GRAMD1A: variants seen among roughly 807,000 people sequenced by gnomAD.
GRAMD1A encodes GRAM domain containing 1A.
In GRAMD1A, 50 loss-of-function variants were observed where a neutral mutation model predicts 92.0. That is an observed-to-expected ratio of 0.54 (90% CI 0.43 to 0.69). The LOEUF (loss-of-function observed/expected upper bound fraction) is 0.69. Ranked by LOEUF, GRAMD1A falls within the 30% of genes least tolerant of loss-of-function variation. The pLI, the probability that GRAMD1A is intolerant of heterozygous loss-of-function variation, is 0.00. For synonymous variants in GRAMD1A, 405 were observed against 403.6 expected, an observed-to-expected ratio of 1.00 and a Z score of -0.04; for missense variants, 819 against 978.9, an observed-to-expected ratio of 0.84 and a Z score of 2.18.
upstream of GRAMD1A, among the ~76,000 whole-genome samples, chr19:34,995,568 C>T (rs937904565): frequency 2.8e-5 from 2 of 72,368 alleles, no homozygotes; most frequent in African/African-American, 1.2e-4. Context: ...TCTCAGATCA[C>T]GGGTTTTTTT....
chr19:35,014,050 C>T (rs1382146898), intron 9 of GRAMD1A, 139 bp from the exon 10 acceptor site: 14 of 796,944 alleles, frequency 1.8e-5, no homozygotes, highest in East Asian at 8.0e-5. Context: ...CCAGGCTGCT[C>T]GCAGCTCAGC....
At chr19:35,001,738 G>T (rs1014458112) in intron 1 of GRAMD1A, among the ~76,000 whole-genome samples, 1 of 152,134 alleles carries the variant, frequency 6.6e-6, no homozygotes, top group Non-Finnish European at 1.5e-5. Context: ...CTCCTGAGTA[G>T]CTGGGATTAC....
At chr19:35,024,044 G>A (rs2016272908) in intron 19 of GRAMD1A, among the ~76,000 whole-genome samples, 1 of 152,218 alleles carries the variant, frequency 6.6e-6, no homozygotes, top group Non-Finnish European at 1.5e-5. Flanking sequence ...CTGAAGGGGA[G>A]AGACTCTCCA....
chr19:35,007,956 G>A (rs536010883), intron 1 of GRAMD1A, among the ~76,000 whole-genome samples: 2 of 152,272 alleles, frequency 1.3e-5, no homozygotes, highest in South Asian at 2.1e-4. Flanking sequence ...AGATGCTTAG[G>A]GTTTTAGCTC....
In GRAMD1A at chr19:35,021,783, C is replaced by T; in HGVS notation, c.1672C>T (p.Pro558Ser). The T allele has an allele frequency of 6.2e-7, 1 of 1,611,974 alleles. No individual in the cohort carries two copies. The highest frequency in any genetic ancestry group is 8.5e-7 in the Non-Finnish European group (1 of 1,179,332). Residue 558 changes from proline (P) to serine (S), a missense_variant, in exon 15 of 20, where the codon CCC becomes TCC. Physicochemically the swap from Pro to Ser is moderately conservative, Grantham distance 74 (BLOSUM62 -1). Transcript: ENST00000317991. The surrounding 1 kb of genome is among the most constrained non-coding windows in gnomAD (Gnocchi z 5.3). ...ATCCGGCCTGCGGCGGCGGAAGCGGCCCCTGAGCTGGCGGGCTCACGGGGA... is the reference window on the plus strand; with the variant it reads ...ATCCGGCCTGCGGCGGCGGAAGCGGTCCCTGAGCTGGCGGGCTCACGGGGA... ...LLSGLRRRKR[P>S]LSWRAHGDGP...
chr19:35,000,306 C>T (rs980196115), upstream of GRAMD1A: 7 of 1,044,004 alleles, frequency 6.7e-6, no homozygotes, highest in South Asian at 3.1e-4. The surrounding 1 kb of genome is among the most constrained non-coding windows in gnomAD (Gnocchi z 4.9). Context: ...GCCGCGGCGG[C>T]CTCCGGCGGC....
At position 35,009,913 on chromosome 19, in the gene GRAMD1A, G is replaced by T; in HGVS notation, c.266G>T (p.Arg89Leu). ...YSMLSPTYKQRNEDFRKLFSK... is the reference protein window; with the variant it reads ...YSMLSPTYKQLNEDFRKLFSK... ...ATGCTGAGCCCCACTTATAAGCAGCGTAATGAGGACTTCCGGAAACTGTTC... is the reference window on the plus strand; with the variant it reads ...ATGCTGAGCCCCACTTATAAGCAGCTTAATGAGGACTTCCGGAAACTGTTC... Residue 89 changes from arginine (R) to leucine (L), a missense_variant, in exon 4 of 20, where the codon CGT becomes CTT. Arg to Leu is a moderately radical substitution (Grantham distance 102). Transcript: ENST00000317991. 6.2e-7 allele frequency: 1 copy of T among 1,611,960 alleles called. No homozygotes were observed. The highest frequency in any genetic ancestry group is 1.1e-5 in the South Asian group (1 of 91,046).
rs762202839 is a variant in GRAMD1A at position 35,010,385 on chromosome 19, G to A, written c.525+6G>A. 12 of 1,600,840 alleles carry A rather than the reference G, an allele frequency of 7.5e-6. No individual in the cohort carries two copies. Among genetic ancestry groups the A allele is most frequent in the South Asian group, 2.2e-5 (2 of 90,882 alleles). ...TCTGCACGGAGAGCGAGAAGGTGAC[G>A]GAGGACCCGGTGACGGGACCACGCG... is the stretch of plus-strand genomic sequence containing the variant. On this transcript the variant is annotated splice_donor_region_variant and intron_variant, in intron 6 of 19. Coordinates refer to ENST00000317991, the MANE Select transcript of GRAMD1A (RefSeq NM_020895.5).
chr19:35,004,475 T>C (rs2014653979), intron 1 of GRAMD1A, among the ~76,000 whole-genome samples: 1 of 152,198 alleles, frequency 6.6e-6, no homozygotes, highest in South Asian at 2.1e-4. Flanking sequence ...GGGCTCATAC[T>C]GAGCAGCATT....
upstream of GRAMD1A, chr19:34,996,343 TTC>T: frequency 7.2e-7 from 1 of 1,393,584 alleles, no homozygotes; most frequent in Non-Finnish European, 9.5e-7. Context: ...CTAGGGAGGG[TTC>T]TCTCTGTCAA....
At chr19:35,026,022 C>T in intron 19 of GRAMD1A, 27 bp from the exon 20 acceptor site, 1 of 1,274,472 alleles carries the variant, frequency 7.8e-7, no homozygotes, top group Non-Finnish European at 1.1e-6. Flanking sequence ...GCGTTCACCC[C>T]CGACCCTGCT....
intron 1 of GRAMD1A, among the ~76,000 whole-genome samples, chr19:35,004,006 C>T (rs1414759780): frequency 6.6e-6 from 1 of 152,182 alleles, no homozygotes; most frequent in Non-Finnish European, 1.5e-5. Flanking sequence ...GTGGGAGGAT[C>T]ACTTGAGGTC....
upstream of GRAMD1A, among the ~76,000 whole-genome samples, chr19:34,997,180 C>T (rs1173721964): frequency 6.6e-6 from 1 of 151,968 alleles, no homozygotes; most frequent in African/African-American, 2.4e-5. Context: ...TCCCAAAGTG[C>T]TGGGATTGTG....
chr19:35,013,789 G>A lies in GRAMD1A; in HGVS notation c.870+98G>A. 8.0e-7 allele frequency: 1 copy of A among 1,244,408 alleles called. No individual in the cohort carries two copies. 77.1% of individuals were successfully genotyped at this position (1,244,408 alleles called of 1,614,324 possible). A position where few individuals can be genotyped will look rare whatever the true frequency, so the allele number is the denominator to read the frequency against. ...AGAACAGCCTGACAGATTTGGAGGG[G>A]AATGGATAGGGGGACAGGGGAGGCC... On this transcript the variant is annotated intron_variant, in intron 9 of 19. Transcript: ENST00000317991. The surrounding 1 kb of genome is among the most constrained non-coding windows in gnomAD (Gnocchi z 4.9).
chr19:35,023,035 A>G (rs1479125660), intron 17 of GRAMD1A, 124 bp downstream of exon 17: 1 of 872,414 alleles, frequency 1.1e-6, no homozygotes, highest in Admixed American at 2.0e-5. Flanking sequence ...AGTCAAGGGT[A>G]TGGGCATCAG....
intron 11 of GRAMD1A, 74 bp downstream of exon 11, chr19:35,016,041 A>G: frequency 1.3e-6 from 2 of 1,504,328 alleles, no homozygotes; most frequent in Non-Finnish European, 1.8e-6. Context: ...AGCCCAGGAC[A>G]GGGGAAGGCA....
In GRAMD1A at chr19:35,019,399, C is replaced by A. The variant is rs532310369; in HGVS notation, c.1341C>A (p.Phe447Leu). ...SASVVETQTL[F>L]RRGPQAGGCV... The stretch of plus-strand genomic sequence containing the variant: ...CGGCTCTGTCCCTGCAGACGCTGTT[C>A]CGGCGCGGCCCCCAGGCCGGCGGGT... The change falls in exon 13 of 20, where the codon TTC (phenylalanine) becomes TTA (leucine). Residue 447 changes from phenylalanine (F) to leucine (L), a missense_variant. Physicochemically the swap from Phe to Leu is conservative, Grantham distance 22. Around this residue, in one of 3 missense-constraint regions of GRAMD1A, gnomAD observed 577 missense variants for 674.6 expected, o/e 0.86. Transcript: ENST00000317991. 6.2e-7 allele frequency: 1 copy of A among 1,613,802 alleles called. No homozygotes were observed. The highest frequency in any genetic ancestry group is 2.2e-5 in the East Asian group (1 of 44,878).
rs2014297000 is a variant in GRAMD1A at position 35,000,684 on chromosome 19, G to A, written c.8+198G>A. Among the ~76,000 whole-genome samples the A allele has an allele frequency of 6.6e-6, 1 of 152,006 alleles. No homozygotes were observed. The highest frequency in any genetic ancestry group is 2.4e-5 in the African/African-American group (1 of 41,476). ...GCGAGGGGTGCAGCTGGGGAGTGGGGCGCGGACGCAGGGCAGGGCCCGGGG... is the reference window on the plus strand; with the variant it reads ...GCGAGGGGTGCAGCTGGGGAGTGGGACGCGGACGCAGGGCAGGGCCCGGGG... On this transcript the variant is annotated intron_variant, in intron 1 of 19. Transcript: ENST00000317991. The surrounding 1 kb of genome is among the most constrained non-coding windows in gnomAD (Gnocchi z 4.9).
In GRAMD1A at chr19:35,021,729, G is replaced by A; in HGVS notation, c.1618G>A (p.Glu540Lys). 6.2e-7 allele frequency: 1 copy of A among 1,613,980 alleles called. No homozygotes were observed. Among genetic ancestry groups the A allele is most frequent in the Non-Finnish European group, 8.5e-7 (1 of 1,180,014 alleles). The change falls in exon 15 of 20, where the codon GAA becomes AAA. Residue 540 changes from glutamate to lysine, a missense_variant. Transcript: ENST00000317991. The surrounding 1 kb of genome is among the most constrained non-coding windows in gnomAD (Gnocchi z 5.3). ...CAAGGCTGAGAAGCTGTCTCTGGAG[G>A]AAGGCGGGAAGGATGCCCGGGGCTT... is the stretch of plus-strand genomic sequence containing the variant. ...LAKAEKLSLE[E>K]GGKDARGLLS...
Sources: allele counts gnomAD v4.1 joint callset (sites outside exome capture counted in the v4.1 genomes callset), GRCh38; gene constraint gnomAD v4.1.1; regional missense constraint gnomAD v4.1.1; non-coding constraint Gnocchi (gnomAD v3.1); transcripts MANE v1.5; gene names NCBI Gene and HGNC (gene_info 2026-07-23, HGNC 2026-07-21).